KCNAB1: variants seen among roughly 807,000 people sequenced by gnomAD.
The protein encoded by KCNAB1 is voltage-gated potassium channel subunit beta-1.
KCNAB1 carries 35 observed loss-of-function variants against 64.6 expected under a neutral mutation model. That is an observed-to-expected ratio of 0.54 (90% confidence interval 0.41 to 0.72). The LOEUF (loss-of-function observed/expected upper bound fraction) is 0.72, where lower values mean the gene tolerates loss of function less well. KCNAB1 is among the 30% of genes least tolerant of loss of function. The pLI, the probability that KCNAB1 is intolerant of heterozygous loss-of-function variation, is 0.00. For missense variants in KCNAB1, 401 were observed against 512.9 expected (o/e 0.78, Z 2.11); for synonymous variants, 177 against 183.8 (o/e 0.96, Z 0.30).
intron 1 of KCNAB1, among the ~76,000 whole-genome samples, chr3:156,355,552 GT>G (rs148659059): frequency 4.0e-5 from 6 of 151,236 alleles, no homozygotes; most frequent in Admixed American, 2.0e-4. Flanking sequence ...TTCATAGTGG[GT>G]TTTTTTTTAA....
chr3:156,390,027 T>C (rs935629028), intron 1 of KCNAB1, among the ~76,000 whole-genome samples: 1 of 152,036 alleles, frequency 6.6e-6, no homozygotes, highest in Admixed American at 6.5e-5. Flanking sequence ...ATATCATTTT[T>C]GGACAAACTA....
intron 1 of KCNAB1, among the ~76,000 whole-genome samples, chr3:156,247,174 G>C (rs2108458109): frequency 6.6e-6 from 1 of 152,278 alleles, no homozygotes; most frequent in Middle Eastern, 3.4e-3. Context: ...GGTATAGAAA[G>C]GCTGTCTTCC....
At chr3:156,263,089 G>A (rs887169488) in intron 1 of KCNAB1, among the ~76,000 whole-genome samples, 1 of 151,708 alleles carries the variant, frequency 6.6e-6, no homozygotes, top group Non-Finnish European at 1.5e-5. Context: ...ACCAACTTTT[G>A]ATTTTATGGA....
chr3:156,521,314 G>C (rs1340826995), intron 11 of KCNAB1, among the ~76,000 whole-genome samples: 1 of 152,140 alleles, frequency 6.6e-6, no homozygotes, highest in East Asian at 1.9e-4. Flanking sequence ...GAGTCCCACA[G>C]GACTGCTGGC....
chr3:156,176,027 T>C, intron 1 of KCNAB1: 1 of 809,844 alleles, frequency 1.2e-6, no homozygotes, highest in Non-Finnish European at 2.2e-6. Context: ...GGTGCTATTT[T>C]GCTTCCATCA....
intron 1 of KCNAB1, among the ~76,000 whole-genome samples, chr3:156,353,414 A>G (rs1337837600): frequency 6.6e-6 from 1 of 152,254 alleles, no homozygotes; most frequent in Non-Finnish European, 1.5e-5. Flanking sequence ...CATTCAGACC[A>G]GTGAACATAT....
At chr3:156,256,494 C>T (rs1176409786) in intron 1 of KCNAB1, among the ~76,000 whole-genome samples, 1 of 152,174 alleles carries the variant, frequency 6.6e-6, no homozygotes. Context: ...AGGTGGTTTC[C>T]TATTTCATGA....
At chr3:156,133,929 C>T (rs1714145169) in intron 1 of KCNAB1, among the ~76,000 whole-genome samples, 1 of 151,632 alleles carries the variant, frequency 6.6e-6, no homozygotes, top group Non-Finnish European at 1.5e-5. Flanking sequence ...TTTAGGCTAA[C>T]CCACCAAATT....
Position 156,281,279 on chromosome 3 carries a change from G to A in KCNAB1, c.276-140337G>A, listed in dbSNP as rs949366352. Among the ~76,000 whole-genome samples, 54 of 152,074 alleles carry A rather than the reference G, an allele frequency of 3.6e-4. 1 individual carries two copies. The highest frequency in any genetic ancestry group is 5.9e-4 in the Admixed American group (9 of 15,266). On this transcript the variant is annotated intron_variant, in intron 1 of 13. Transcript: ENST00000490337. ...TGCTGGATTACATTTATTGATTTGC[G>A]TACATTGAACCAGCCTTGCATCCCA...
intron 1 of KCNAB1, among the ~76,000 whole-genome samples, chr3:156,144,744 A>G (rs1361938296): frequency 2.0e-5 from 3 of 152,134 alleles, no homozygotes; most frequent in Non-Finnish European, 4.4e-5. Context: ...GGACCATTTC[A>G]CTTTTAAAAA....
At chr3:156,250,478 T>C (rs1015619194) in intron 1 of KCNAB1, among the ~76,000 whole-genome samples, 13 of 152,240 alleles carry the variant, frequency 8.5e-5, no homozygotes, top group African/African-American at 3.1e-4. Context: ...TTCTAGCTAA[T>C]ACCATGTATT....
intron 1 of KCNAB1, among the ~76,000 whole-genome samples, chr3:156,389,445 T>A (rs1430040968): frequency 1.1e-4 from 17 of 152,140 alleles, no homozygotes; most frequent in Admixed American, 1.1e-3. Context: ...CTAAACTAGC[T>A]CCTGCCACTA....
chr3:156,148,822 T>C (rs549275242), intron 1 of KCNAB1, among the ~76,000 whole-genome samples: 2 of 151,400 alleles, frequency 1.3e-5, no homozygotes, highest in African/African-American at 4.8e-5. Flanking sequence ...TCTGAACATA[T>C]CACCCTCCTT....
chr3:156,317,434 T>C (rs1172447058), intron 1 of KCNAB1, among the ~76,000 whole-genome samples: 1 of 152,166 alleles, frequency 6.6e-6, no homozygotes, highest in Non-Finnish European at 1.5e-5. Context: ...AGAAAAACAA[T>C]CTGTTAATTG....
At chr3:156,326,506 A>T (rs1018879698) in intron 1 of KCNAB1, among the ~76,000 whole-genome samples, 1 of 152,276 alleles carries the variant, frequency 6.6e-6, no homozygotes, top group East Asian at 1.9e-4. Flanking sequence ...GAAAAACATT[A>T]CATTCTCAGT....
intron 1 of KCNAB1, among the ~76,000 whole-genome samples, chr3:156,179,487 C>T (rs1246039890): frequency 8.1e-6 from 1 of 123,220 alleles, no homozygotes; most frequent in Non-Finnish European, 1.6e-5. Flanking sequence ...CGTTATTTCA[C>T]GTGGAAGGAC....
At position 156,444,324 on chromosome 3, in the gene KCNAB1, C is replaced by A. The variant is rs373467673; in HGVS notation, c.320-8575C>A. 2.0e-4 allele frequency among the ~76,000 whole-genome samples: 31 copies of A among 152,326 alleles called. No homozygotes were observed. The East Asian group carries it at 4.2e-3, about 21-fold the overall frequency. Reference sequence around the variant, plus strand: ...CAGATGCCCCAGCTGCAGCTCATATCTGCAGAATAAGAATCTGTGTGGGGG... The same window carrying A: ...CAGATGCCCCAGCTGCAGCTCATATATGCAGAATAAGAATCTGTGTGGGGG... On this transcript the variant is annotated intron_variant, in intron 2 of 13. Transcript: ENST00000490337.
chr3:156,333,302 A>G (rs1281561219), intron 1 of KCNAB1, among the ~76,000 whole-genome samples: 1 of 150,692 alleles, frequency 6.6e-6, no homozygotes, highest in Non-Finnish European at 1.5e-5. Flanking sequence ...ACATACCAGT[A>G]TACAAACGCA....
intron 1 of KCNAB1, among the ~76,000 whole-genome samples, chr3:156,413,163 G>T (rs555656746): frequency 2.9e-4 from 44 of 152,292 alleles, no homozygotes; most frequent in Non-Finnish European, 5.6e-4. Flanking sequence ...GAGAGGTAGA[G>T]GGACAAGAAG....
Sources: allele counts gnomAD v4.1 joint callset (sites outside exome capture counted in the v4.1 genomes callset), GRCh38; gene constraint gnomAD v4.1.1; transcripts MANE v1.5; gene names NCBI Gene and HGNC (gene_info 2026-07-23, HGNC 2026-07-21).